MED12L: variants seen among roughly 807,000 people sequenced by gnomAD.
MED12L encodes the protein mediator complex subunit 12L.
A neutral mutation model predicts 281.3 loss-of-function variants in MED12L; 60 were observed. The ratio of observed to expected loss-of-function variants is 0.21; its 90% CI spans 0.17 to 0.26. The LOEUF is 0.26. Ranked by LOEUF, MED12L falls within the 10% of genes least tolerant of loss-of-function variation. The probability of loss-of-function intolerance (pLI) is 1.00; values close to 1 mark genes in which losing one functional copy is unlikely to be tolerated. For missense variants in MED12L, 2,146 were observed against 2,680.9 expected, an observed-to-expected ratio of 0.80 and a Z score of 4.41; for synonymous variants, 974 against 987.2, an observed-to-expected ratio of 0.99 and a Z score of 0.25.
At chr3:151,251,565 T>G (rs567418280) in intron 16 of MED12L, among the ~76,000 whole-genome samples, 2 of 152,284 alleles carry the variant, frequency 1.3e-5, no homozygotes, top group East Asian at 3.9e-4. Flanking sequence ...TCTCTAATAC[T>G]TAAAAGATAA....
In MED12L at chr3:151,188,991, A is replaced by T. The variant is rs148850598; in HGVS notation, c.1753+511A>T. 6.7e-4 allele frequency among the ~76,000 whole-genome samples: 102 copies of T among 152,256 alleles called. 1 individual carries two copies. The East Asian group carries it at 0.018, about 26-fold the overall frequency. ...TGAGGAGTTGAGGGTTTCTGAAATA[A>T]ACAGCCACCCAGTGGGTTCAGACTG... is the stretch of plus-strand genomic sequence containing the variant. On this transcript the variant is annotated intron_variant, in intron 13 of 44. Transcript: ENST00000687756.
chr3:151,282,199 G>A (rs1160359411), intron 16 of MED12L, among the ~76,000 whole-genome samples: 3 of 152,144 alleles, frequency 2.0e-5, no homozygotes, highest in African/African-American at 4.8e-5. Context: ...GTTCATGTGA[G>A]CCCTGTATAG....
intron 11 of MED12L, among the ~76,000 whole-genome samples, chr3:151,174,987 G>A (rs1022038434): frequency 1.3e-5 from 2 of 152,270 alleles, no homozygotes; most frequent in Middle Eastern, 6.8e-3. Flanking sequence ...ACCATGCCAG[G>A]CTTGGAAATG....
intron 5 of MED12L, among the ~76,000 whole-genome samples, chr3:151,155,180 G>A (rs1219113444): frequency 6.6e-6 from 1 of 152,200 alleles, no homozygotes; most frequent in Non-Finnish European, 1.5e-5. Flanking sequence ...TGGGAAAACA[G>A]CATTGTGTGG....
At chr3:151,230,598 A>G (rs1577047384) in intron 16 of MED12L, among the ~76,000 whole-genome samples, 1 of 144,702 alleles carries the variant, frequency 6.9e-6, no homozygotes, top group Admixed American at 6.9e-5. Context: ...ATGCACTTCC[A>G]CTTCCTTCTA....
At chr3:151,279,372 C>T (rs1022506753) in intron 16 of MED12L, among the ~76,000 whole-genome samples, 20 of 152,102 alleles carry the variant, frequency 1.3e-4, no homozygotes, top group Non-Finnish European at 4.4e-5. Flanking sequence ...GTACTTGCTA[C>T]GTAGGAGGCA....
At chr3:151,104,026 T>G (rs1462653265) in intron 2 of MED12L, among the ~76,000 whole-genome samples, 4 of 152,206 alleles carry the variant, frequency 2.6e-5, no homozygotes, top group Non-Finnish European at 5.9e-5. Context: ...TCTTTTTGCC[T>G]GCTCTAGGTA....
intron 16 of MED12L, among the ~76,000 whole-genome samples, chr3:151,272,048 A>G (rs181397798): frequency 6.6e-6 from 1 of 152,360 alleles, no homozygotes. Flanking sequence ...TTGCTCTTGA[A>G]GCAATACAGA....
chr3:151,088,191 G>A (rs1389244934), intron 2 of MED12L, among the ~76,000 whole-genome samples: 1 of 152,206 alleles, frequency 6.6e-6, no homozygotes, highest in African/African-American at 2.4e-5. Context: ...GTAAGGAACA[G>A]CAACTCCTTT....
In MED12L at chr3:151,376,008, T is replaced by A; in HGVS notation, c.3865-18T>A. On this transcript the variant is annotated intron_variant, in intron 27 of 44. Coordinates refer to ENST00000687756, the MANE Select transcript of MED12L (RefSeq NM_001393769.1). ...CGAAAGCCAGTGCCTGTCAATCTAA[T>A]TGCCATATTATTTTTAGGAATGGGT... 1 of 1,458,390 alleles carries A rather than the reference T, an allele frequency of 6.9e-7. No homozygotes were observed. The highest frequency in any genetic ancestry group is 2.4e-5 in the East Asian group (1 of 42,090). 90.3% of individuals were successfully genotyped at this position (1,458,390 alleles called of 1,614,324 possible).
intron 16 of MED12L, among the ~76,000 whole-genome samples, chr3:151,231,858 G>A (rs1045500956): frequency 3.9e-5 from 6 of 152,264 alleles, no homozygotes; most frequent in African/African-American, 1.2e-4. Context: ...TAGAAGGGAA[G>A]GGTCATGATT....
At chr3:151,193,407 G>C in intron 15 of MED12L, 83 bp from the exon 16 acceptor site, 1 of 999,946 alleles carries the variant, frequency 1.0e-6, no homozygotes, top group Non-Finnish European at 1.5e-6. Context: ...AGTGTCTTAT[G>C]TGTGTGTTTT....
intron 16 of MED12L, among the ~76,000 whole-genome samples, chr3:151,320,538 A>G (rs929520549): frequency 6.6e-6 from 1 of 152,024 alleles, no homozygotes; most frequent in Non-Finnish European, 1.5e-5. Flanking sequence ...CTTTGACAAG[A>G]TTGGTATCAT....
chr3:151,159,650 A>G (rs1719736009), intron 7 of MED12L, among the ~76,000 whole-genome samples, 182 bp from the exon 8 acceptor site: 2 of 152,170 alleles, frequency 1.3e-5, no homozygotes, highest in Non-Finnish European at 2.9e-5. Context: ...TATTTTTTTC[A>G]TGGCTCCTAG....
At chr3:151,165,577 T>C in intron 10 of MED12L, 58 bp downstream of exon 10, 3 of 1,438,914 alleles carry the variant, frequency 2.1e-6, no homozygotes, top group Non-Finnish European at 2.9e-6. Context: ...TGCTGTGTTT[T>C]TGCTTCTTAT....
intron 2 of MED12L, among the ~76,000 whole-genome samples, chr3:151,092,019 G>GTCTCC (rs1720115569): frequency 6.6e-6 from 1 of 152,208 alleles, no homozygotes; most frequent in East Asian, 1.9e-4. Flanking sequence ...GATGCTGGGG[G>GTCTCC]TCTCCTGTTG....
chr3:151,132,168 A>G (rs1330474317), intron 5 of MED12L, among the ~76,000 whole-genome samples: 1 of 152,212 alleles, frequency 6.6e-6, no homozygotes, highest in Non-Finnish European at 1.5e-5. Context: ...TTTAAAATGT[A>G]TGAATTTCAG....
At chr3:151,219,019 A>G (rs1173740542) in intron 16 of MED12L, among the ~76,000 whole-genome samples, 1 of 152,112 alleles carries the variant, frequency 6.6e-6, no homozygotes, top group East Asian at 1.9e-4. Flanking sequence ...TACATTGTCT[A>G]CTGTCACTTT....
chr3:151,188,545 C>A, intron 13 of MED12L, 65 bp downstream of exon 13: 1 of 1,441,414 alleles, frequency 6.9e-7, no homozygotes, highest in South Asian at 1.4e-5. Flanking sequence ...TTTCTGATTC[C>A]TTTTTTAAAA....
Sources: allele counts gnomAD v4.1 joint callset (sites outside exome capture counted in the v4.1 genomes callset), GRCh38; gene constraint gnomAD v4.1.1; transcripts MANE v1.5; gene names NCBI Gene and HGNC (gene_info 2026-07-23, HGNC 2026-07-21).